CAMK2D: variants seen among roughly 807,000 people sequenced by gnomAD.
CAMK2D encodes calcium/calmodulin dependent protein kinase II delta, also known as calcium/calmodulin-dependent protein kinase type II subunit delta.
A neutral mutation model predicts 84.0 loss-of-function variants in CAMK2D; 37 were observed. The observed-to-expected ratio is 0.44, with a 90% confidence interval of 0.34 to 0.58. CAMK2D has a LOEUF of 0.58. Ranked by LOEUF, CAMK2D falls within the 20% of genes least tolerant of loss-of-function variation. CAMK2D has a pLI of 0.02. For missense variants in CAMK2D, 448 were observed against 652.5 expected (o/e 0.69, Z 3.41); for synonymous variants, 202 against 212.5 (o/e 0.95, Z 0.43).
Position 113,761,285 on chromosome 4 carries a change from C to T in CAMK2D, c.-217G>A. 1.4e-6 allele frequency: 2 copies of T among 1,428,638 alleles called. No individual in the cohort carries two copies. The highest frequency in any genetic ancestry group is 1.8e-6 in the Non-Finnish European group (2 of 1,095,002). The allele number at this position is 1,428,638 out of a possible 1,614,324, so 88.5% of individuals were successfully genotyped here. A position where few individuals can be genotyped will look rare whatever the true frequency, so the allele number is the denominator to read the frequency against. On this transcript the variant is annotated 5_prime_UTR_variant, in exon 1 of 21. Coordinates refer to ENST00000511664, the MANE Select transcript of CAMK2D (RefSeq NM_001321571.2). ...GTGGGGTCTCCTCCCCACAGTCCGC[C>T]GATCCTCCTCCTCCTGCGGGCCTCG... is the stretch of plus-strand genomic sequence containing the variant.
At chr4:113,539,221 T>A (rs1346770018) in intron 6 of CAMK2D, among the ~76,000 whole-genome samples, 1 of 152,222 alleles carries the variant, frequency 6.6e-6, no homozygotes, top group East Asian at 1.9e-4. Flanking sequence ...CATGGAATAA[T>A]TAACTTGGAA....
intron 4 of CAMK2D, among the ~76,000 whole-genome samples, chr4:113,555,547 G>T (rs1438551767): frequency 6.6e-6 from 1 of 152,158 alleles, no homozygotes; most frequent in Non-Finnish European, 1.5e-5. Flanking sequence ...GTTAAGCGAA[G>T]AATCACCACA....
At chr4:113,461,116 G>A (rs920407558) in intron 17 of CAMK2D, among the ~76,000 whole-genome samples, 3 of 152,132 alleles carry the variant, frequency 2.0e-5, no homozygotes, top group Non-Finnish European at 4.4e-5. Flanking sequence ...TCTTATTATT[G>A]TGTTTAAGTT....
At chr4:113,693,098 G>A (rs2099393021) in intron 2 of CAMK2D, among the ~76,000 whole-genome samples, 1 of 152,098 alleles carries the variant, frequency 6.6e-6, no homozygotes, top group Non-Finnish European at 1.5e-5. Context: ...CTGGTACTAA[G>A]CCAACCTTTC....
rs140032354 is a variant in CAMK2D, at chr4:113,750,535, T to C, written c.160+8785A>G. 8.4e-3 allele frequency among the ~76,000 whole-genome samples: 1,274 copies of C among 152,288 alleles called. 15 individuals are homozygous for C. The highest frequency in any genetic ancestry group is 0.028 in the African/African-American group (1,182 of 41,554). ...AACTCTACTAAATGCCAGGCTGTCA[T>C]CCACACTCATAGGCCAGGAAATACT... is the stretch of plus-strand genomic sequence containing the variant. On this transcript the variant is annotated intron_variant, in intron 2 of 20. Coordinates refer to ENST00000511664, the MANE Select transcript of CAMK2D (RefSeq NM_001321571.2).
chr4:113,679,510 T>C, intron 2 of CAMK2D: 1 of 865,584 alleles, frequency 1.2e-6, no homozygotes, highest in Non-Finnish European at 1.4e-6. Flanking sequence ...ATTTTAAAAA[T>C]CAATAATAAC....
chr4:113,571,052 C>T (rs1320433453), intron 4 of CAMK2D, among the ~76,000 whole-genome samples: 1 of 152,132 alleles, frequency 6.6e-6, no homozygotes, highest in Non-Finnish European at 1.5e-5. Context: ...AAATGTTCAA[C>T]ATAACTAATC....
intron 2 of CAMK2D, among the ~76,000 whole-genome samples, chr4:113,726,039 G>C (rs1251142423): frequency 1.3e-5 from 2 of 152,190 alleles, no homozygotes; most frequent in Admixed American, 1.3e-4. Flanking sequence ...CCTGCACCCA[G>C]AACTTGTCAT....
intron 16 of CAMK2D, among the ~76,000 whole-genome samples, chr4:113,477,898 G>T (rs1226863621): frequency 1.3e-5 from 2 of 151,994 alleles, no homozygotes. Flanking sequence ...ATTCCAACAT[G>T]TATTATAAAT....
In CAMK2D at chr4:113,510,653, T is replaced by A. The variant is rs182078415; in HGVS notation, c.947-978A>T. ...ATATGCAGGACATGATACACACTTA[T>A]GCTTTCATTTAATATTAATTACATA... On this transcript the variant is annotated intron_variant, in intron 12 of 20. Transcript: ENST00000511664. Among the ~76,000 whole-genome samples the A allele has an allele frequency of 9.1e-4, 139 of 152,284 alleles. No homozygotes were observed. The East Asian group carries it at 0.021, about 23-fold the overall frequency.
intron 19 of CAMK2D, among the ~76,000 whole-genome samples, chr4:113,456,296 C>G (rs1317528853): frequency 1.3e-5 from 2 of 152,122 alleles, no homozygotes; most frequent in Non-Finnish European, 2.9e-5. Context: ...AACAGGTGAT[C>G]CTGGTGAGAG....
intron 16 of CAMK2D, among the ~76,000 whole-genome samples, chr4:113,485,083 A>G (rs1182810303): frequency 1.3e-5 from 2 of 152,208 alleles, no homozygotes; most frequent in East Asian, 1.9e-4. Context: ...CTTAGTGGTT[A>G]TATGATTTAA....
At chr4:113,757,088 T>A (rs972649174) in intron 2 of CAMK2D, among the ~76,000 whole-genome samples, 2 of 152,122 alleles carry the variant, frequency 1.3e-5, no homozygotes, top group Non-Finnish European at 2.9e-5. Flanking sequence ...CCCATTTTAC[T>A]GATGAAGAAC....
At chr4:113,482,473 C>T (rs989174316) in intron 16 of CAMK2D, among the ~76,000 whole-genome samples, 1 of 152,176 alleles carries the variant, frequency 6.6e-6, no homozygotes, top group Non-Finnish European at 1.5e-5. Context: ...TGCATTTGAA[C>T]ACAAACATAT....
At chr4:113,642,796 G>A (rs545453295) in intron 3 of CAMK2D, among the ~76,000 whole-genome samples, 2 of 151,966 alleles carry the variant, frequency 1.3e-5, no homozygotes, top group Non-Finnish European at 2.9e-5. Flanking sequence ...GCCCACCAGG[G>A]CAAGGGCAAA....
chr4:113,631,109 C>A (rs1247945349), intron 3 of CAMK2D, among the ~76,000 whole-genome samples: 5 of 152,112 alleles, frequency 3.3e-5, no homozygotes, highest in Non-Finnish European at 7.4e-5. Context: ...TAAACCAGAG[C>A]CACAAATTGG....
At chr4:113,661,477 A>T (rs1174920705) in intron 3 of CAMK2D, among the ~76,000 whole-genome samples, 1 of 152,202 alleles carries the variant, frequency 6.6e-6, no homozygotes, top group Non-Finnish European at 1.5e-5. Flanking sequence ...TAATTAATTT[A>T]GTATCTTTGT....
chr4:113,599,367 T>G (rs753231008), intron 4 of CAMK2D, among the ~76,000 whole-genome samples: 13 of 152,222 alleles, frequency 8.5e-5, no homozygotes, highest in Non-Finnish European at 8.8e-5. Flanking sequence ...CTTATGTCCA[T>G]GCAAAAACCT....
intron 17 of CAMK2D, among the ~76,000 whole-genome samples, chr4:113,463,091 C>T (rs1464681832): frequency 6.6e-6 from 1 of 152,136 alleles, no homozygotes; most frequent in Non-Finnish European, 1.5e-5. Flanking sequence ...TACACTCATA[C>T]ATAAGTATAT....
Sources: gnomAD v4.1 joint callset for allele counts (sites outside exome capture counted in the v4.1 genomes callset) on GRCh38, gnomAD v4.1.1 for gene constraint, MANE v1.5 for transcripts, NCBI Gene and HGNC (gene_info 2026-07-23, HGNC 2026-07-21) for gene names.